F13B: variants seen among roughly 807,000 people sequenced by gnomAD.
F13B encodes coagulation factor XIII B chain.
F13B carries 58 observed loss-of-function variants against 79.8 expected under a neutral mutation model. That is an observed-to-expected ratio of 0.73 (90% CI 0.59 to 0.90). F13B has a LOEUF of 0.90. F13B is among the 40% of genes least tolerant of loss of function. The pLI, the probability that F13B is intolerant of heterozygous loss-of-function variation, is 0.00. For synonymous variants in F13B, 283 were observed against 260.3 expected, an observed-to-expected ratio of 1.09 and a Z score of -0.84; for missense variants, 773 against 777.0, an observed-to-expected ratio of 0.99 and a Z score of 0.06.
At chr1:197,062,797 T>C (rs543454154) in intron 2 of F13B, 60 bp downstream of exon 2, 2 of 1,554,100 alleles carry the variant, frequency 1.3e-6, no homozygotes, top group South Asian at 2.2e-5. Flanking sequence ...TGGACCCCTA[T>C]TTTTATATAC....
rs1175869661 is a variant in F13B at position 197,052,734 on chromosome 1, T to C, written c.1455A>G (p.Val485=). The C allele has an allele frequency of 2.5e-6, 4 of 1,611,562 alleles. No homozygotes were observed. Among genetic ancestry groups the C allele is most frequent in the African/African-American group, 1.3e-5 (1 of 74,954 alleles). ...GAGATAAGTCATATCCCTGTTTACA[T>C]ACAAAATCTATTAAATCTCCATGTA... ...KVLHGDLIDF[V]CKQGYDLSPL... Residue 485 remains valine, a synonymous_variant, in exon 9 of 12, where the codon GTA becomes GTG. Transcript: ENST00000367412.
chr1:197,057,877 G>A (rs1343770616), intron 5 of F13B, among the ~76,000 whole-genome samples: 2 of 152,176 alleles, frequency 1.3e-5, no homozygotes, highest in African/African-American at 2.4e-5. Flanking sequence ...AGAAACAGAG[G>A]CTCTCAGTTC....
At chr1:197,044,768 C>A (rs1299489994) in intron 10 of F13B, among the ~76,000 whole-genome samples, 1 of 152,156 alleles carries the variant, frequency 6.6e-6, no homozygotes, top group Non-Finnish European at 1.5e-5. Flanking sequence ...GTAAAACACT[C>A]TTTGGCAAAT....
intron 10 of F13B, 73 bp downstream of exon 10, chr1:197,050,624 G>C: frequency 7.4e-7 from 1 of 1,347,042 alleles, no homozygotes; most frequent in Non-Finnish European, 1.0e-6. Flanking sequence ...TTAGTGTTAT[G>C]TTAACTCAAA....
chr1:197,044,363 C>A (rs189199406), intron 10 of F13B, among the ~76,000 whole-genome samples: 4 of 152,204 alleles, frequency 2.6e-5, no homozygotes, highest in Admixed American at 2.0e-4. Flanking sequence ...CAATCCTAGT[C>A]TCTGATAAAA....
chr1:197,042,120 C>A (rs1478598177), intron 10 of F13B, among the ~76,000 whole-genome samples: 1 of 152,152 alleles, frequency 6.6e-6, no homozygotes, highest in African/African-American at 2.4e-5. Flanking sequence ...ACTGAAACCA[C>A]AGAAAGTGAA....
chr1:197,046,674 A>G (rs1655244783), intron 10 of F13B, among the ~76,000 whole-genome samples: 1 of 152,208 alleles, frequency 6.6e-6, no homozygotes, highest in Admixed American at 6.5e-5. Context: ...TAAAATTCAT[A>G]TGGAACCAAA....
chr1:197,043,735 T>C (rs569328207), intron 10 of F13B, among the ~76,000 whole-genome samples: 1 of 150,736 alleles, frequency 6.6e-6, no homozygotes, highest in East Asian at 2.0e-4. Context: ...AATGAGAAAA[T>C]TACCAAAAAA....
intron 10 of F13B, among the ~76,000 whole-genome samples, chr1:197,043,377 A>G (rs532288747): frequency 6.6e-6 from 1 of 152,336 alleles, no homozygotes; most frequent in South Asian, 2.1e-4. Flanking sequence ...TCTTTGGAGT[A>G]AGCTGACATC....
chr1:197,059,969 A>T (rs1655793111), intron 5 of F13B, among the ~76,000 whole-genome samples: 1 of 151,942 alleles, frequency 6.6e-6, no homozygotes, highest in Admixed American at 6.6e-5. Context: ...TCTGCTTTCT[A>T]CCTCACTATT....
At chr1:197,058,912 G>T (rs535942529) in intron 5 of F13B, among the ~76,000 whole-genome samples, 6 of 152,236 alleles carry the variant, frequency 3.9e-5, no homozygotes, top group Admixed American at 3.9e-4. Flanking sequence ...TAATTTGGAA[G>T]AGGAGAAGGG....
At chr1:197,058,691 CTA>C (rs1404829119) in intron 5 of F13B, among the ~76,000 whole-genome samples, 1 of 152,100 alleles carries the variant, frequency 6.6e-6, no homozygotes, top group Non-Finnish European at 1.5e-5. Context: ...GATAATATTC[CTA>C]CCTTAAGATT....
chr1:197,046,744 C>T (rs2125058460), intron 10 of F13B, among the ~76,000 whole-genome samples: 1 of 152,258 alleles, frequency 6.6e-6, no homozygotes, highest in East Asian at 1.9e-4. Flanking sequence ...AGGCATCAGG[C>T]TACCTGACTT....
intron 10 of F13B, among the ~76,000 whole-genome samples, chr1:197,044,958 A>C (rs1165658395): frequency 6.6e-6 from 1 of 152,196 alleles, no homozygotes; most frequent in Non-Finnish European, 1.5e-5. Flanking sequence ...CTTTGAACCC[A>C]GTAAGGACAA....
intron 10 of F13B, among the ~76,000 whole-genome samples, chr1:197,050,043 A>G (rs1469270736): frequency 1.3e-5 from 2 of 152,140 alleles, no homozygotes; most frequent in East Asian, 3.8e-4. Context: ...TTTTAAAAAA[A>G]TATTTATAAC....
At chr1:197,063,396 C>A (rs970558063) in intron 1 of F13B, among the ~76,000 whole-genome samples, 1 of 152,098 alleles carries the variant, frequency 6.6e-6, no homozygotes, top group Non-Finnish European at 1.5e-5. Flanking sequence ...TGAAATATAG[C>A]TCACTGCCAC....
chr1:197,054,589 T>TATAG (rs17549650), intron 8 of F13B, among the ~76,000 whole-genome samples: 2,284 of 151,902 alleles, frequency 0.015, 47 homozygotes, highest in African/African-American at 0.049. Context: ...AAATAATTTA[T>TATAG]ATATAGATTT....
chr1:197,052,243 A>C (rs1042162150), intron 9 of F13B, among the ~76,000 whole-genome samples: 4 of 152,126 alleles, frequency 2.6e-5, no homozygotes, highest in Non-Finnish European at 5.9e-5. Flanking sequence ...CACCAGTCAG[A>C]ATGGCAATTA....
rs961617588 is a variant in F13B at position 197,060,920 on chromosome 1, A to G, written c.607T>C (p.Ser203Pro). 2 of 1,613,112 alleles carry G rather than the reference A, an allele frequency of 1.2e-6. No individual in the cohort carries two copies. Among genetic ancestry groups the G allele is most frequent in the African/African-American group, 2.7e-5 (2 of 74,970 alleles). ...CTACTGGTACATTTTGGTGTGAGAG[A>G]CCATCCGTATGTGAGACATTCTACC... Reference protein sequence around the residue: ...EEVECLTYGWSLTPKCTKLKC... With the variant: ...EEVECLTYGWPLTPKCTKLKC... The change falls in exon 4 of 12, where the codon TCT (serine) becomes CCT (proline). Residue 203 changes from serine (S) to proline (P), a missense_variant. By Grantham distance (74) the Ser-to-Pro change is moderately conservative. Transcript: ENST00000367412.
Sources: gnomAD v4.1 joint callset for allele counts (sites outside exome capture counted in the v4.1 genomes callset) on GRCh38, gnomAD v4.1.1 for gene constraint, MANE v1.5 for transcripts, NCBI Gene and HGNC (gene_info 2026-07-23, HGNC 2026-07-21) for gene names.